NBAS: variants seen among roughly 807,000 people sequenced by gnomAD.
NBAS encodes the protein NAG/BC035112 fusion.
In NBAS, 219 loss-of-function variants were observed where a neutral mutation model predicts 302.5. The observed-to-expected ratio is 0.72, with a 90% CI of 0.65 to 0.81. NBAS has a LOEUF of 0.81. Ranked by LOEUF, NBAS falls within the 30% of genes least tolerant of loss-of-function variation. The pLI, the probability that NBAS is intolerant of heterozygous loss-of-function variation, is 0.00. For missense variants in NBAS, 2,932 were observed against 2,841.6 expected, an observed-to-expected ratio of 1.03 and a Z score of -0.72; for synonymous variants, 1,118 against 1,021.6, an observed-to-expected ratio of 1.09 and a Z score of -1.80.
chr2:15,484,743 C>T (rs1189082106), intron 12 of NBAS, among the ~76,000 whole-genome samples: 1 of 152,074 alleles, frequency 6.6e-6, no homozygotes, highest in East Asian at 1.9e-4. Flanking sequence ...CATAATTTCC[C>T]TTGGAAGCCT....
chr2:14,963,399 T>TG, the NBAS span, among the ~76,000 whole-genome samples: 1 of 152,256 alleles, frequency 6.6e-6, no homozygotes, highest in Non-Finnish European at 1.5e-5. Context: ...ACAGACCATC[T>TG]GGCACATGCA....
At chr2:14,914,313 C>A in the NBAS span, among the ~76,000 whole-genome samples, 1 of 152,214 alleles carries the variant, frequency 6.6e-6, no homozygotes, top group African/African-American at 2.4e-5. Flanking sequence ...TTATTAATCA[C>A]ATATATTTGC....
intron 40 of NBAS, among the ~76,000 whole-genome samples, chr2:15,293,564 T>C (rs764023877): frequency 3.9e-5 from 6 of 152,030 alleles, no homozygotes; most frequent in Non-Finnish European, 8.8e-5. Context: ...GAATTACTAA[T>C]AGGGAGTTTA....
chr2:15,461,793 T>A lies in NBAS; in HGVS notation c.2098-2A>T. 1 of 1,529,680 alleles carries A rather than the reference T, an allele frequency of 6.5e-7. No individual in the cohort carries two copies. The highest frequency in any genetic ancestry group is 1.1e-5 in the South Asian group (1 of 88,680). The allele number at this position is 1,529,680 out of a possible 1,614,324, so 94.8% of individuals were successfully genotyped here. On this transcript the variant is annotated splice_acceptor_variant, in intron 19 of 51. Coordinates refer to ENST00000281513, the MANE Select transcript of NBAS (RefSeq NM_015909.4). LOFTEE classifies it high-confidence loss of function. ...TGCATGAGGCACTCCTAGGATTTCC[T>A]GAGGGGAAATTTAATGAAAAGTGAT...
chr2:15,171,760 G>A (rs1253253751), intron 51 of NBAS, among the ~76,000 whole-genome samples: 1 of 152,154 alleles, frequency 6.6e-6, no homozygotes, highest in Non-Finnish European at 1.5e-5. Flanking sequence ...GGTAAAATGA[G>A]GTCATCAGGA....
At chr2:15,415,258 T>G (rs1305599331) in intron 25 of NBAS, among the ~76,000 whole-genome samples, 1 of 152,240 alleles carries the variant, frequency 6.6e-6, no homozygotes, top group East Asian at 1.9e-4. Context: ...GGGAAAGTCA[T>G]GTATAGAAGA....
intron 7 of NBAS, 39 bp downstream of exon 7, chr2:15,539,184 T>C (rs762410011): frequency 1.6e-5 from 26 of 1,613,116 alleles, no homozygotes; most frequent in South Asian, 7.7e-5. Flanking sequence ...ATACATGACA[T>C]TGAAAAAACT....
At chr2:15,137,517 G>C in the NBAS span, among the ~76,000 whole-genome samples, 4 of 152,256 alleles carry the variant, frequency 2.6e-5, no homozygotes, top group African/African-American at 9.6e-5. Flanking sequence ...ATATAGCTCT[G>C]ACTCAATGGA....
chr2:15,471,850 C>T (rs985651670), intron 16 of NBAS, among the ~76,000 whole-genome samples: 1 of 152,146 alleles, frequency 6.6e-6, no homozygotes, highest in Non-Finnish European at 1.5e-5. Flanking sequence ...CAGGAGAGTG[C>T]CCTCACCAGG....
rs141785791 is a variant in NBAS at position 15,434,085 on chromosome 2, A to G, written c.2340-6291T>C. On this transcript the variant is annotated intron_variant, in intron 21 of 51. Coordinates refer to ENST00000281513, the MANE Select transcript of NBAS (RefSeq NM_015909.4). ...AAGGCTGCAGTGAGCTGTGACTGTA[A>G]CTGCATTCCAGCCTGGATGACAGAG... Among the ~76,000 whole-genome samples, 395 of 152,230 alleles carry G rather than the reference A, an allele frequency of 2.6e-3. 2 individuals are homozygous for G. Among genetic ancestry groups the G allele is most frequent in the Non-Finnish European group, 4.9e-3 (331 of 68,002 alleles).
intron 13 of NBAS, among the ~76,000 whole-genome samples, chr2:15,477,819 C>T (rs1177649495): frequency 6.6e-6 from 1 of 152,064 alleles, no homozygotes; most frequent in Non-Finnish European, 1.5e-5. Context: ...AATATATGCT[C>T]ATTGTAAAAA....
At chr2:15,154,805 C>T in the NBAS span, among the ~76,000 whole-genome samples, 1 of 152,114 alleles carries the variant, frequency 6.6e-6, no homozygotes, top group Admixed American at 6.5e-5. Context: ...AAGTATCAGA[C>T]GTGAGGCTAT....
At chr2:15,152,855 T>A in the NBAS span, among the ~76,000 whole-genome samples, 285 of 152,376 alleles carry the variant, frequency 1.9e-3, no homozygotes, top group South Asian at 6.4e-3. Flanking sequence ...AGTAGACAAC[T>A]GAGGGTGTCA....
At chr2:14,951,519 A>C in the NBAS span, among the ~76,000 whole-genome samples, 1 of 152,088 alleles carries the variant, frequency 6.6e-6, no homozygotes, top group Non-Finnish European at 1.5e-5. Flanking sequence ...AGTGTTACTC[A>C]CTCTGCGGAT....
the NBAS span, among the ~76,000 whole-genome samples, chr2:14,848,906 C>T: frequency 6.7e-6 from 1 of 149,864 alleles, no homozygotes; most frequent in Non-Finnish European, 1.5e-5. Context: ...AAAGGACATC[C>T]ACACCGAAAA....
Position 15,394,317 on chromosome 2 carries a change from T to C in NBAS, c.3167A>G (p.Glu1056Gly), listed in dbSNP as rs1484511508. Residue 1056 changes from glutamate (E) to glycine (G), a missense_variant, in exon 28 of 52, where the codon GAG becomes GGG. Coordinates refer to ENST00000281513, the MANE Select transcript of NBAS (RefSeq NM_015909.4). ...VSELLEKHGLEKPISFVKNTQ... is the reference protein window; with the variant it reads ...VSELLEKHGLGKPISFVKNTQ... ...GTTTTTAACAAATGAAATTGGTTTCTCGAGTCCATGTTTTTCCAAAAGCTC... is the reference window on the plus strand; with the variant it reads ...GTTTTTAACAAATGAAATTGGTTTCCCGAGTCCATGTTTTTCCAAAAGCTC... 3.7e-6 allele frequency: 6 copies of C among 1,613,264 alleles called. No homozygotes were observed. The highest frequency in any genetic ancestry group is 1.7e-5 in the Admixed American group (1 of 59,990).
chr2:15,445,209 T>C (rs1229848092), intron 21 of NBAS, among the ~76,000 whole-genome samples: 2 of 150,524 alleles, frequency 1.3e-5, no homozygotes, highest in Non-Finnish European at 2.9e-5. Context: ...TGCACATGTA[T>C]GTTTATTGCG....
At chr2:15,110,810 A>C in the NBAS span, among the ~76,000 whole-genome samples, 1 of 152,232 alleles carries the variant, frequency 6.6e-6, no homozygotes. Context: ...GCCCCATTCC[A>C]CTTTTAAGTC....
chr2:15,049,726 G>A, the NBAS span, among the ~76,000 whole-genome samples: 1 of 152,326 alleles, frequency 6.6e-6, no homozygotes, highest in East Asian at 1.9e-4. Context: ...AGACGATGGA[G>A]ACAAGTGCCC....
Sources: gnomAD v4.1 joint callset for allele counts (sites outside exome capture counted in the v4.1 genomes callset) on GRCh38, gnomAD v4.1.1 for gene constraint, MANE v1.5 for transcripts, NCBI Gene and HGNC (gene_info 2026-07-23, HGNC 2026-07-21) for gene names.